RGS7: variants seen among roughly 807,000 people sequenced by gnomAD.
The protein encoded by RGS7 is regulator of G protein signaling 7, also known as regulator of G-protein signaling 7.
In RGS7, 27 loss-of-function variants were observed where a neutral mutation model predicts 81.1. That is an observed-to-expected ratio of 0.33 (90% confidence interval 0.25 to 0.46). The LOEUF (loss-of-function observed/expected upper bound fraction) is 0.46. Ranked by LOEUF, RGS7 falls within the 20% of genes least tolerant of loss-of-function variation. The pLI, the probability that RGS7 is intolerant of heterozygous loss-of-function variation, is 1.00. For missense variants in RGS7, 396 were observed against 607.4 expected (o/e 0.65, Z 3.66); for synonymous variants, 208 against 207.7 (o/e 1.00, Z -0.01).
chr1:241,006,514 A>T (rs2058693444), intron 3 of RGS7, among the ~76,000 whole-genome samples: 1 of 152,228 alleles, frequency 6.6e-6, no homozygotes, highest in South Asian at 2.1e-4. Context: ...TCCTACAAAC[A>T]GTTACATAAA....
intron 15 of RGS7, among the ~76,000 whole-genome samples, chr1:240,804,941 G>T (rs1688601429): frequency 6.6e-6 from 1 of 152,174 alleles, no homozygotes; most frequent in Non-Finnish European, 1.5e-5. Context: ...GGATATTCGT[G>T]TATCTCATTC....
intron 6 of RGS7, among the ~76,000 whole-genome samples, chr1:240,920,946 C>CTT (rs34197635): frequency 2.2e-4 from 33 of 148,622 alleles, no homozygotes; most frequent in Middle Eastern, 3.4e-3. Context: ...GAATAAATGT[C>CTT]TTTTTTTTTT....
At chr1:240,915,462 G>T (rs1041236806) in intron 6 of RGS7, among the ~76,000 whole-genome samples, 1 of 152,076 alleles carries the variant, frequency 6.6e-6, no homozygotes, top group Non-Finnish European at 1.5e-5. Flanking sequence ...GAACGCAACG[G>T]AAAGAACTGT....
chr1:241,064,384 GAGA>G (rs2061934069), intron 3 of RGS7, among the ~76,000 whole-genome samples: 1 of 137,870 alleles, frequency 7.3e-6, no homozygotes, highest in Admixed American at 7.2e-5. Flanking sequence ...CCAGGAATTG[GAGA>G]ACAGCCTGGG....
intron 2 of RGS7, among the ~76,000 whole-genome samples, chr1:241,289,921 GA>G (rs1228474691): frequency 2.0e-5 from 3 of 152,146 alleles, no homozygotes; most frequent in African/African-American, 7.2e-5. Context: ...GCCTAGTGCG[GA>G]AGAGGAAAGT....
chr1:241,075,111 T>C (rs1344079539), intron 3 of RGS7, among the ~76,000 whole-genome samples: 1 of 152,174 alleles, frequency 6.6e-6, no homozygotes, highest in East Asian at 1.9e-4. Flanking sequence ...CTTTATGATA[T>C]TTGTTCTTAA....
chr1:241,282,642 C>T (rs903610577), intron 2 of RGS7, among the ~76,000 whole-genome samples: 6 of 152,110 alleles, frequency 3.9e-5, no homozygotes, highest in African/African-American at 1.4e-4. Context: ...GCCTTGTTCC[C>T]AACATTAGGG....
Position 240,818,508 on chromosome 1 carries a change from A to G in RGS7, c.685-2093T>C, listed in dbSNP as rs191070319. 2.8e-4 allele frequency among the ~76,000 whole-genome samples: 42 copies of G among 152,362 alleles called. 1 individual carries two copies. The highest frequency in any genetic ancestry group is 9.9e-4 in the African/African-American group (41 of 41,590). On this transcript the variant is annotated intron_variant, in intron 10 of 18. Transcript: ENST00000440928. ...AATGGCCCAAACTGATACTAGCCAT[A>G]TTTGAACATGATTAAATAAAACAAC...
intron 6 of RGS7, among the ~76,000 whole-genome samples, chr1:240,895,709 C>G (rs1198083141): frequency 1.3e-5 from 2 of 152,116 alleles, no homozygotes; most frequent in African/African-American, 4.8e-5. Context: ...TGGCTTGGTT[C>G]CAAGTCTTTG....
At chr1:241,053,986 G>A (rs977797112) in intron 3 of RGS7, among the ~76,000 whole-genome samples, 5 of 152,102 alleles carry the variant, frequency 3.3e-5, no homozygotes, top group African/African-American at 7.2e-5. Flanking sequence ...TCTCGGGTAC[G>A]TCTTTATCAG....
intron 2 of RGS7, among the ~76,000 whole-genome samples, chr1:241,222,241 C>G (rs1350295904): frequency 6.6e-6 from 1 of 152,174 alleles, no homozygotes; most frequent in African/African-American, 2.4e-5. Context: ...GTTAATTTCC[C>G]TTTATCGCTG....
At chr1:240,968,474 T>C (rs1414728217) in intron 4 of RGS7, among the ~76,000 whole-genome samples, 1 of 152,000 alleles carries the variant, frequency 6.6e-6, no homozygotes, top group South Asian at 2.1e-4. Context: ...CAGGTATTAG[T>C]GAGCACGGCA....
chr1:241,101,576 C>A (rs575721141), intron 2 of RGS7, among the ~76,000 whole-genome samples: 1 of 151,786 alleles, frequency 6.6e-6, no homozygotes, highest in Non-Finnish European at 1.5e-5. Context: ...CCAACAATAA[C>A]CAAATACCAA....
intron 3 of RGS7, among the ~76,000 whole-genome samples, chr1:241,028,328 T>C (rs189156867): frequency 8.5e-5 from 13 of 152,338 alleles, no homozygotes; most frequent in Admixed American, 7.2e-4. Flanking sequence ...GTGTCAACAT[T>C]AAGTTGTCTG....
intron 6 of RGS7, among the ~76,000 whole-genome samples, chr1:240,880,465 G>A (rs1300331931): frequency 6.6e-6 from 1 of 152,226 alleles, no homozygotes; most frequent in East Asian, 1.9e-4. Flanking sequence ...CATCACGGCT[G>A]TTGACCAGCC....
At chr1:241,133,805 G>A (rs1026955342) in intron 2 of RGS7, among the ~76,000 whole-genome samples, 1 of 152,122 alleles carries the variant, frequency 6.6e-6, no homozygotes, top group Middle Eastern at 3.2e-3. Context: ...TTTAGGTTTG[G>A]TCAAGGTGAA....
chr1:241,055,915 T>C (rs1200979549), intron 3 of RGS7, among the ~76,000 whole-genome samples: 1 of 152,240 alleles, frequency 6.6e-6, no homozygotes, highest in African/African-American at 2.4e-5. Context: ...AGCTATGTGC[T>C]AGAAAACAAG....
At chr1:241,133,528 C>A (rs1439168086) in intron 2 of RGS7, among the ~76,000 whole-genome samples, 1 of 150,734 alleles carries the variant, frequency 6.6e-6, no homozygotes, top group Non-Finnish European at 1.5e-5. Context: ...AAAGGAGATA[C>A]AAATATAAAA....
intron 2 of RGS7, among the ~76,000 whole-genome samples, chr1:241,292,381 A>G (rs1343348963): frequency 6.6e-6 from 1 of 152,210 alleles, no homozygotes; most frequent in African/African-American, 2.4e-5. Context: ...AAATAAAAAG[A>G]GAGGACTCAA....
Sources: allele counts gnomAD v4.1 joint callset (sites outside exome capture counted in the v4.1 genomes callset), GRCh38; gene constraint gnomAD v4.1.1; transcripts MANE v1.5; gene names NCBI Gene and HGNC (gene_info 2026-07-23, HGNC 2026-07-21).